KCNV2: variants seen among roughly 807,000 people sequenced by gnomAD.
KCNV2 encodes the protein potassium voltage-gated channel modifier subfamily V member 2.
KCNV2 carries 65 observed loss-of-function variants against 37.0 expected under a neutral mutation model. The observed-to-expected ratio is 1.76, with a 90% CI of 1.44 to 2.16. KCNV2 has a LOEUF of 2.16. Among genes scored for constraint, KCNV2 ranks in the 30% most tolerant of loss-of-function variants. The pLI, the probability that KCNV2 is intolerant of heterozygous loss-of-function variation, is 0.00. For synonymous variants in KCNV2, 518 were observed against 328.6 expected (o/e 1.58, Z -6.23); for missense variants, 1,232 against 766.7 (o/e 1.61, Z -7.17).
At chr9:2,720,597 C>T (rs1819848515) in intron 1 of KCNV2, 1 of 152,154 alleles carries the variant, frequency 6.6e-6, no homozygotes, top group Non-Finnish European at 1.5e-5. Flanking sequence ...CAGCAAATGA[C>T]ATTTACTTTG....
chr9:2,722,972 A>C (rs1322002128), intron 1 of KCNV2, among the ~76,000 whole-genome samples: 1 of 152,156 alleles, frequency 6.6e-6, no homozygotes, highest in Non-Finnish European at 1.5e-5. Context: ...TGCTCAGCCC[A>C]TTGGCCAGAG....
intron 1 of KCNV2, among the ~76,000 whole-genome samples, chr9:2,723,387 A>G (rs1392920780): frequency 6.6e-6 from 1 of 152,186 alleles, no homozygotes; most frequent in Non-Finnish European, 1.5e-5. Flanking sequence ...GGATCCTGCA[A>G]ACTTTCTCTG....
chr9:2,718,344 G>C lies in KCNV2; in HGVS notation c.605G>C (p.Cys202Ser), dbSNP rs760675536. The change falls in exon 1 of 2, where the codon TGC (cysteine) becomes TCC (serine). Residue 202 changes from cysteine to serine, a missense_variant. Cys to Ser is a moderately radical substitution (Grantham distance 112, BLOSUM62 -1). Coordinates refer to ENST00000382082, the MANE Select transcript of KCNV2 (RefSeq NM_133497.4). ...TACACGCCACGCTGCTGCCGCATCT[G>C]CTTCGAGGAGCGGCGCGACGAGCTG... ...LKYTPRCCRI[C>S]FEERRDELSE... is the part of the protein sequence containing the mutation. The C allele has an allele frequency of 1.9e-6, 3 of 1,601,298 alleles. No homozygotes were observed. The highest frequency in any genetic ancestry group is 1.7e-6 in the Non-Finnish European group (2 of 1,175,830).
chr9:2,727,719 T>C (rs1211172942), intron 1 of KCNV2, among the ~76,000 whole-genome samples: 3 of 152,128 alleles, frequency 2.0e-5, no homozygotes, highest in Non-Finnish European at 2.9e-5. Context: ...ATACATGATA[T>C]ATATATAATA....
chr9:2,718,384 G>C lies in KCNV2; in HGVS notation c.645G>C (p.Lys215Asn), dbSNP rs201327014. 188 of 1,600,768 alleles carry C rather than the reference G, an allele frequency of 1.2e-4. 2 individuals carry two copies. The East Asian group carries it at 3.9e-3, about 33-fold the overall frequency. Residue 215 changes from lysine (K) to asparagine (N), a missense_variant, in exon 1 of 2, where the codon AAG becomes AAC. Coordinates refer to ENST00000382082, the MANE Select transcript of KCNV2 (RefSeq NM_133497.4). ...ERRDELSERL[K>N]IQHELRAQAQ... ...GCGACGAGCTGAGCGAACGGCTCAAGATCCAGCACGAGCTGCGCGCGCAGG... is the reference window on the plus strand; with the variant it reads ...GCGACGAGCTGAGCGAACGGCTCAACATCCAGCACGAGCTGCGCGCGCAGG...
Position 2,729,465 on chromosome 9 carries a change from G to A in KCNV2, c.1376G>A (p.Gly459Asp), listed in dbSNP as rs104894115. The A allele has an allele frequency of 1.9e-6, 3 of 1,613,746 alleles. No homozygotes were observed. In the South Asian group the frequency reaches 3.3e-5, roughly 18 times the overall value. The change falls in exon 2 of 2, where the codon GGC (glycine) becomes GAC (aspartate). Residue 459 changes from glycine (G) to aspartate (D), a missense_variant. Gly to Asp is a moderately conservative substitution (Grantham distance 94). Transcript: ENST00000382082. The stretch of plus-strand genomic sequence containing the variant: ...CTACAGGTGAGCATCTCCACCGTGG[G>A]CTACGGAGACATGTACCCAGAGACC... ...WWAAVSISTV[G>D]YGDMYPETHL...
intron 1 of KCNV2, among the ~76,000 whole-genome samples, chr9:2,719,873 G>T (rs1290279853): frequency 6.6e-6 from 1 of 152,232 alleles, no homozygotes. Context: ...TACAGTTAGT[G>T]TAACAGTTAT....
intron 1 of KCNV2, among the ~76,000 whole-genome samples, chr9:2,719,903 T>C (rs1819833465): frequency 6.6e-6 from 1 of 152,284 alleles, no homozygotes; most frequent in African/African-American, 2.4e-5. Flanking sequence ...TTGTTTTCTT[T>C]GGCCTTTGCC....
At chr9:2,729,384 C>G (rs1372416575) in intron 1 of KCNV2, 62 bp from the exon 2 acceptor site, 1 of 1,589,696 alleles carries the variant, frequency 6.3e-7, no homozygotes, top group African/African-American at 1.3e-5. Context: ...TTGCTCCTCT[C>G]CCTTTCTTCT....
intron 1 of KCNV2, among the ~76,000 whole-genome samples, chr9:2,719,412 G>A (rs1819820955): frequency 6.6e-6 from 1 of 152,112 alleles, no homozygotes; most frequent in Non-Finnish European, 1.5e-5. Context: ...TGAGCATCCA[G>A]TGTCCTGACA....
rs367634793 is a variant in KCNV2 at position 2,729,469 on chromosome 9, C to T, written c.1380C>T (p.Tyr460=). The change falls in exon 2 of 2, where the codon TAC becomes TAT. Residue 460 remains tyrosine (Y), a synonymous_variant. Coordinates refer to ENST00000382082, the MANE Select transcript of KCNV2 (RefSeq NM_133497.4). Reference sequence around the variant, plus strand: ...AGGTGAGCATCTCCACCGTGGGCTACGGAGACATGTACCCAGAGACCCACC... The same window carrying T: ...AGGTGAGCATCTCCACCGTGGGCTATGGAGACATGTACCCAGAGACCCACC... ...WAAVSISTVG[Y]GDMYPETHLG... is the part of the protein sequence containing the mutation. The T allele has an allele frequency of 2.7e-5, 43 of 1,613,918 alleles. No individual in the cohort carries two copies. Among genetic ancestry groups the T allele is most frequent in the Admixed American group, 3.3e-5 (2 of 60,014 alleles).
rs1306668241 is a variant in KCNV2, at chr9:2,718,464, A to G, written c.725A>G (p.Gln242Arg). The G allele has an allele frequency of 1.9e-6, 3 of 1,608,360 alleles. No individual in the cohort carries two copies. Among genetic ancestry groups the G allele is most frequent in the Non-Finnish European group, 2.5e-6 (3 of 1,178,178 alleles). ...LFRDMRFYGP[Q>R]RRRLWNLMEK... is the part of the protein sequence containing the mutation. ...CGCGACATGCGCTTCTACGGCCCGC[A>G]GCGGCGCCGCCTCTGGAACCTCATG... is the stretch of plus-strand genomic sequence containing the variant. Residue 242 changes from glutamine to arginine, a missense_variant, in exon 1 of 2, where the codon CAG (glutamine) becomes CGG (arginine). Gln to Arg is a conservative substitution (Grantham distance 43). Coordinates refer to ENST00000382082, the MANE Select transcript of KCNV2 (RefSeq NM_133497.4).
At chr9:2,720,944 A>C (rs1819857020) in intron 1 of KCNV2, among the ~76,000 whole-genome samples, 1 of 152,194 alleles carries the variant, frequency 6.6e-6, no homozygotes, top group African/African-American at 2.4e-5. Context: ...ATCTCACTTA[A>C]ATTTCTGATC....
chr9:2,718,420 G>T lies in KCNV2; in HGVS notation c.681G>T (p.Glu227Asp). 1 of 1,604,750 alleles carries T rather than the reference G, an allele frequency of 6.2e-7. No homozygotes were observed. The highest frequency in any genetic ancestry group is 8.5e-7 in the Non-Finnish European group (1 of 1,176,586). The part of the protein sequence containing the change: ...QHELRAQAQV[E>D]EAEELFRDMR... ...AGCTGCGCGCGCAGGCGCAGGTCGAGGAGGCGGAGGAACTCTTCCGCGACA... is the reference window on the plus strand; with the variant it reads ...AGCTGCGCGCGCAGGCGCAGGTCGATGAGGCGGAGGAACTCTTCCGCGACA... Residue 227 changes from glutamate (E) to aspartate (D), a missense_variant, in exon 1 of 2, where the codon GAG (glutamate) becomes GAT (aspartate). Physicochemically the swap from Glu to Asp is conservative, Grantham distance 45. Transcript: ENST00000382082.
intron 1 of KCNV2, among the ~76,000 whole-genome samples, chr9:2,723,636 A>T (rs1819918935): frequency 6.6e-6 from 1 of 152,256 alleles, no homozygotes; most frequent in African/African-American, 2.4e-5. Flanking sequence ...AGCTACCATA[A>T]CTGACTAGTT....
At chr9:2,722,123 TAGAAGTTATTTATAAATAAATTAG>T in intron 1 of KCNV2, among the ~76,000 whole-genome samples, 1 of 135,538 alleles carries the variant, frequency 7.4e-6, no homozygotes, top group East Asian at 2.0e-4. Flanking sequence ...ATAAATAAAT[TAGAAGTTATTTATAAATAAATTAG>T]AAGTTATTTA....
At chr9:2,721,441 T>C (rs1439226842) in intron 1 of KCNV2, among the ~76,000 whole-genome samples, 1 of 152,220 alleles carries the variant, frequency 6.6e-6, no homozygotes, top group Non-Finnish European at 1.5e-5. Context: ...TAAAGGTTCA[T>C]ATTCTCAATA....
At chr9:2,722,538 A>AGTT (rs1819897470) in intron 1 of KCNV2, among the ~76,000 whole-genome samples, 1 of 141,460 alleles carries the variant, frequency 7.1e-6, no homozygotes, top group African/African-American at 2.7e-5. Flanking sequence ...TTTATAAATA[A>AGTT]ATTAGAAGTT....
At chr9:2,726,022 A>G (rs933366483) in intron 1 of KCNV2, among the ~76,000 whole-genome samples, 6 of 152,220 alleles carry the variant, frequency 3.9e-5, no homozygotes, top group African/African-American at 1.4e-4. Context: ...AGAGTTGCTG[A>G]GCTAGCCAGT....
Sources: allele counts gnomAD v4.1 joint callset (sites outside exome capture counted in the v4.1 genomes callset), GRCh38; gene constraint gnomAD v4.1.1; transcripts MANE v1.5; gene names NCBI Gene and HGNC (gene_info 2026-07-23, HGNC 2026-07-21).